Variants in DOCK3 observed in about 807,000 individuals in gnomAD.
The protein encoded by DOCK3 is dedicator of cytokinesis protein 3.
A neutral mutation model predicts 265.6 loss-of-function variants in DOCK3; 60 were observed. That is an observed-to-expected ratio of 0.23 (90% CI 0.18 to 0.28). The LOEUF (loss-of-function observed/expected upper bound fraction) is 0.28. Among genes scored for constraint, DOCK3 ranks in the 10% least tolerant of loss-of-function variants. The pLI is 1.00. For missense variants in DOCK3, 1,981 were observed against 2,594.3 expected (o/e 0.76, Z 5.14); for synonymous variants, 881 against 938.0 (o/e 0.94, Z 1.11).
chr3:51,312,815 A>ACGAC (rs754084444), intron 30 of DOCK3, 29 bp from the exon 31 acceptor site: 1 of 1,600,170 alleles, frequency 6.2e-7, no homozygotes, highest in Admixed American at 1.7e-5. Context: ...TCTCCCACTA[A>ACGAC]CGGTTGGCTC....
At chr3:51,357,415 C>T (rs1483997694) in intron 44 of DOCK3, among the ~76,000 whole-genome samples, 1 of 152,158 alleles carries the variant, frequency 6.6e-6, no homozygotes, top group South Asian at 2.1e-4. Flanking sequence ...CCAAGAGGAG[C>T]CTTGGAGCCC....
intron 12 of DOCK3, among the ~76,000 whole-genome samples, chr3:51,166,858 A>T (rs2086432820): frequency 6.6e-6 from 1 of 152,124 alleles, no homozygotes; most frequent in African/African-American, 2.4e-5. Context: ...ATAGTTTTAG[A>T]TATTAATCCC....
chr3:50,834,083 C>T (rs1226261767), intron 2 of DOCK3, among the ~76,000 whole-genome samples: 2 of 151,786 alleles, frequency 1.3e-5, no homozygotes, highest in African/African-American at 4.8e-5. Flanking sequence ...AACTCCTCTT[C>T]TGCTTGATAT....
chr3:50,701,668 T>C (rs961389765), intron 1 of DOCK3, among the ~76,000 whole-genome samples: 1 of 152,142 alleles, frequency 6.6e-6, no homozygotes, highest in South Asian at 2.1e-4. Context: ...TGTAGACCAA[T>C]GTTTTCTTTT....
At chr3:51,028,355 AT>A (rs927888403) in intron 5 of DOCK3, among the ~76,000 whole-genome samples, 10 of 148,644 alleles carry the variant, frequency 6.7e-5, no homozygotes, top group East Asian at 2.0e-4. Flanking sequence ...TAGTTTTAAG[AT>A]TTTTTTTTTC....
intron 1 of DOCK3, among the ~76,000 whole-genome samples, chr3:50,766,420 G>C (rs895236448): frequency 6.6e-6 from 1 of 151,918 alleles, no homozygotes; most frequent in African/African-American, 2.4e-5. Context: ...TTGGTTTCCA[G>C]CTTCATCCAT....
chr3:50,827,829 T>A (rs1342107519), intron 2 of DOCK3, among the ~76,000 whole-genome samples: 1 of 152,204 alleles, frequency 6.6e-6, no homozygotes, highest in African/African-American at 2.4e-5. Context: ...TTATCCTTTC[T>A]TATTTTCCTT....
intron 9 of DOCK3, among the ~76,000 whole-genome samples, chr3:51,120,068 T>A (rs1697875231): frequency 6.6e-6 from 1 of 152,180 alleles, no homozygotes; most frequent in South Asian, 2.1e-4. Context: ...ATTTTCAGCC[T>A]CTTTGCACTG....
chr3:51,114,774 G>A (rs1037949046), intron 9 of DOCK3, among the ~76,000 whole-genome samples: 4 of 152,010 alleles, frequency 2.6e-5, no homozygotes, highest in African/African-American at 9.7e-5. Context: ...ATTTACATTA[G>A]GTATTTCTCC....
intron 1 of DOCK3, among the ~76,000 whole-genome samples, chr3:50,758,896 C>G (rs544026173): frequency 6.6e-6 from 1 of 152,110 alleles, no homozygotes; most frequent in Non-Finnish European, 1.5e-5. Flanking sequence ...GCTTATTTTA[C>G]TTAGTGTAGT....
chr3:50,980,352 A>C (rs948989144), intron 5 of DOCK3, among the ~76,000 whole-genome samples: 3 of 152,046 alleles, frequency 2.0e-5, no homozygotes, highest in Non-Finnish European at 4.4e-5. Context: ...TGTTGCATAC[A>C]GTTTGCTAGT....
At chr3:50,786,853 G>A (rs2042209624) in intron 2 of DOCK3, 2 of 741,128 alleles carry the variant, frequency 2.7e-6, no homozygotes, top group African/African-American at 1.7e-5. Context: ...TTTCGTCACA[G>A]TTCTCGCATC....
chr3:51,338,088 G>A (rs993211679), intron 35 of DOCK3, among the ~76,000 whole-genome samples: 1 of 152,192 alleles, frequency 6.6e-6, no homozygotes, highest in Admixed American at 6.5e-5. Context: ...ACATTGGTAG[G>A]TGCCACTTAA....
chr3:51,217,854 A>G (rs1260227566), intron 14 of DOCK3, among the ~76,000 whole-genome samples: 2 of 152,252 alleles, frequency 1.3e-5, no homozygotes, highest in African/African-American at 4.8e-5. Flanking sequence ...ACAGTGGCTC[A>G]CACCTGTAAT....
intron 9 of DOCK3, among the ~76,000 whole-genome samples, chr3:51,146,068 G>A (rs963324618): frequency 2.3e-4 from 35 of 152,218 alleles, no homozygotes; most frequent in Non-Finnish European, 4.6e-4. Flanking sequence ...CAGGCCACAG[G>A]CCCGTAGCAG....
chr3:51,178,643 A>G (rs1406407431), intron 12 of DOCK3, among the ~76,000 whole-genome samples: 2 of 152,070 alleles, frequency 1.3e-5, no homozygotes, highest in Non-Finnish European at 2.9e-5. Context: ...TTTTTTCTTC[A>G]CAGGGATAGA....
At chr3:51,145,107 G>C (rs1040232917) in intron 9 of DOCK3, among the ~76,000 whole-genome samples, 1 of 152,092 alleles carries the variant, frequency 6.6e-6, no homozygotes, top group East Asian at 1.9e-4. Context: ...GGAGAATAAA[G>C]TATTTAATGG....
chr3:51,263,352 T>G (rs1045205991), intron 23 of DOCK3, among the ~76,000 whole-genome samples: 2 of 152,148 alleles, frequency 1.3e-5, no homozygotes, highest in African/African-American at 4.8e-5. Flanking sequence ...ATAAAATCTT[T>G]TACAGACAAG....
chr3:50,948,217 C>T (rs1361517416), intron 5 of DOCK3, among the ~76,000 whole-genome samples: 3 of 150,730 alleles, frequency 2.0e-5, no homozygotes, highest in Admixed American at 6.6e-5. Flanking sequence ...CCACTGCACC[C>T]GGCTAATTTT....
Sources: allele counts gnomAD v4.1 joint callset (sites outside exome capture counted in the v4.1 genomes callset), GRCh38; gene constraint gnomAD v4.1.1; transcripts MANE v1.5; gene names NCBI Gene and HGNC (gene_info 2026-07-23, HGNC 2026-07-21).